Variants in BNC1 observed in about 807,000 individuals in gnomAD.
BNC1 encodes the protein zinc finger protein basonuclin-1.
In BNC1, 8 loss-of-function variants were observed where a neutral mutation model predicts 66.5. That is an observed-to-expected ratio of 0.12 (90% CI 0.07 to 0.22). BNC1 has a LOEUF of 0.22. Ranked by LOEUF, BNC1 falls within the 10% of genes least tolerant of loss-of-function variation. BNC1 has a pLI of 1.00. For missense variants in BNC1, 1,069 were observed against 1,241.3 expected (o/e 0.86, Z 2.09); for synonymous variants, 454 against 452.6 (o/e 1.00, Z -0.04).
intron 4 of BNC1, among the ~76,000 whole-genome samples, chr15:83,260,960 T>C (rs2038133570): frequency 2.0e-5 from 3 of 152,208 alleles, no homozygotes; most frequent in Non-Finnish European, 2.9e-5. Context: ...TAACGCAAGA[T>C]GCTTTCCTGT....
intron 1 of BNC1, among the ~76,000 whole-genome samples, chr15:83,276,037 T>C: frequency 6.6e-6 from 1 of 152,170 alleles, no homozygotes; most frequent in East Asian, 1.9e-4. Flanking sequence ...ACCTATGTCT[T>C]ACTTCCAGTT....
At chr15:83,267,230 A>C (rs1163489054) in intron 2 of BNC1, among the ~76,000 whole-genome samples, 159 bp from the exon 3 acceptor site, 1 of 152,208 alleles carries the variant, frequency 6.6e-6, no homozygotes, top group Non-Finnish European at 1.5e-5. Flanking sequence ...TGAAACTTCA[A>C]ATTATTTACA....
Position 83,266,825 on chromosome 15 carries a change from G to A in BNC1, c.435+11C>T, listed in dbSNP as rs572763338. 12 of 1,610,022 alleles carry A rather than the reference G, an allele frequency of 7.5e-6. No individual in the cohort carries two copies. Among genetic ancestry groups the A allele is most frequent in the Non-Finnish European group, 1.0e-5 (12 of 1,176,354 alleles). On this transcript the variant is annotated intron_variant, in intron 3 of 4. Transcript: ENST00000345382. The stretch of plus-strand genomic sequence containing the variant: ...AGCACCCTAGGAGGACAATGTTCAT[G>A]TTTACTGTACCTGCAGTACGTATCC...
intron 1 of BNC1, among the ~76,000 whole-genome samples, chr15:83,274,316 CG>C (rs1234018447): frequency 2.0e-5 from 3 of 152,098 alleles, no homozygotes; most frequent in African/African-American, 7.2e-5. Context: ...ACCTGGGAGG[CG>C]GAGCTTGCAG....
At chr15:83,262,194 AG>A (rs992558559) in intron 4 of BNC1, among the ~76,000 whole-genome samples, 7 of 152,088 alleles carry the variant, frequency 4.6e-5, no homozygotes, top group South Asian at 2.1e-4. Context: ...ACATGACTAC[AG>A]GTGCATGCCA....
chr15:83,283,093 T>A, intron 1 of BNC1: 2 of 1,418,320 alleles, frequency 1.4e-6, no homozygotes, highest in Non-Finnish European at 1.9e-6. Context: ...ACACACAACT[T>A]CACTCACACA....
rs768670518 is a variant in BNC1 at position 83,264,477 on chromosome 15, C to T, written c.774G>A (p.Gly258=). The T allele has an allele frequency of 1.5e-5, 24 of 1,614,002 alleles. No homozygotes were observed. The Admixed American group carries it at 4.0e-4, about 27-fold the overall frequency. Residue 258 remains glycine (G), a synonymous_variant, in exon 4 of 5, where the codon GGG becomes GGA. Transcript: ENST00000345382. ...CCAACATATATTGTTCGGGCAATGA[C>T]CCTATCAGTGCAGGAGGCAGAGGGT... ...FFNPLPPALI[G]SLPEQYMLEQ... is the part of the protein sequence containing the mutation.
intron 1 of BNC1, among the ~76,000 whole-genome samples, chr15:83,276,828 C>T (rs562503937): frequency 6.6e-6 from 1 of 152,310 alleles, no homozygotes; most frequent in South Asian, 2.1e-4. Context: ...AATGCAGTTT[C>T]TAGTTTACAC....
chr15:83,270,652 G>T (rs967873176), intron 1 of BNC1, among the ~76,000 whole-genome samples: 4 of 152,074 alleles, frequency 2.6e-5, no homozygotes, highest in African/African-American at 9.7e-5. Flanking sequence ...TGTCTCTTCA[G>T]ATCTTTTGCC....
At chr15:83,283,507 G>A in intron 1 of BNC1, 3 of 985,398 alleles carry the variant, frequency 3.0e-6, no homozygotes, top group South Asian at 9.4e-5. Context: ...CCCAAGGCCA[G>A]GCTGGGCGGG....
At chr15:83,261,709 G>A (rs1408998934) in intron 4 of BNC1, among the ~76,000 whole-genome samples, 1 of 152,158 alleles carries the variant, frequency 6.6e-6, no homozygotes, top group Non-Finnish European at 1.5e-5. Flanking sequence ...TCTATAGCGG[G>A]GGACTTTGTA....
chr15:83,261,038 G>A (rs1262569858), intron 4 of BNC1, among the ~76,000 whole-genome samples: 1 of 152,098 alleles, frequency 6.6e-6, no homozygotes, highest in African/African-American at 2.4e-5. Flanking sequence ...TTAAATCTAT[G>A]AAAAAATAAA....
intron 1 of BNC1, among the ~76,000 whole-genome samples, chr15:83,276,730 T>C (rs1361473108): frequency 2.6e-5 from 4 of 152,218 alleles, no homozygotes; most frequent in African/African-American, 9.7e-5. Context: ...ATTTTGTGAC[T>C]ATGAGGCAAT....
chr15:83,261,752 C>T (rs1033611084), intron 4 of BNC1, among the ~76,000 whole-genome samples: 1 of 152,184 alleles, frequency 6.6e-6, no homozygotes, highest in Admixed American at 6.5e-5. Flanking sequence ...GTCATGAAAA[C>T]TCAGGATCTT....
chr15:83,267,043 C>A lies in BNC1; in HGVS notation c.228G>T (p.Met76Ile). Residue 76 changes from methionine (M) to isoleucine (I), a missense_variant, in exon 3 of 5, where the codon ATG (methionine) becomes ATT (isoleucine). Met to Ile is a conservative substitution (Grantham distance 10). Transcript: ENST00000345382. ...HALSKLRIPP[M>I]YPTSQVEIVQ... The stretch of plus-strand genomic sequence containing the variant: ...CAATCTCCACCTGGCTTGTTGGATA[C>A]ATGGGGGGGATCCTTAGCTTACTTA... The A allele has an allele frequency of 6.2e-7, 1 of 1,613,962 alleles. No homozygotes were observed. Among genetic ancestry groups the A allele is most frequent in the Non-Finnish European group, 8.5e-7 (1 of 1,179,932 alleles).
intron 4 of BNC1, among the ~76,000 whole-genome samples, chr15:83,261,028 T>C (rs1055513971): frequency 6.6e-6 from 1 of 152,194 alleles, no homozygotes; most frequent in Non-Finnish European, 1.5e-5. Flanking sequence ...TAAGGAAATA[T>C]TAAATCTATG....
At chr15:83,267,130 T>C in intron 2 of BNC1, 59 bp from the exon 3 acceptor site, 4 of 1,398,102 alleles carry the variant, frequency 2.9e-6, no homozygotes, top group Non-Finnish European at 4.0e-6. Context: ...AGAGAAACAC[T>C]GCAAAAAAAA....
In BNC1 at chr15:83,264,348, T is replaced by C. The variant is rs2038190321; in HGVS notation, c.903A>G (p.Lys301=). The part of the protein sequence containing the change: ...TSSSTPFQVE[K]DQCLNCPDAI... The stretch of plus-strand genomic sequence containing the variant: ...CATCCGGACAGTTTAAACACTGATC[T>C]TTTTCAACCTGAAATGGTGTGGAAC... Residue 301 remains lysine, a synonymous_variant, in exon 4 of 5, where the codon AAA becomes AAG. Transcript: ENST00000345382. 1.2e-6 allele frequency: 2 copies of C among 1,614,162 alleles called. No individual in the cohort carries two copies. Among genetic ancestry groups the C allele is most frequent in the Non-Finnish European group, 1.7e-6 (2 of 1,180,016 alleles).
chr15:83,275,039 G>A (rs1228350263), intron 1 of BNC1, among the ~76,000 whole-genome samples: 1 of 152,222 alleles, frequency 6.6e-6, no homozygotes, highest in Non-Finnish European at 1.5e-5. Flanking sequence ...CATTGAATAA[G>A]TATTTACTGA....
Sources: gnomAD v4.1 joint callset for allele counts (sites outside exome capture counted in the v4.1 genomes callset) on GRCh38, gnomAD v4.1.1 for gene constraint, MANE v1.5 for transcripts, NCBI Gene and HGNC (gene_info 2026-07-23, HGNC 2026-07-21) for gene names.